NEGR1: variants seen among roughly 807,000 people sequenced by gnomAD.
NEGR1 encodes the protein IgLON family member 4.
Under a neutral mutation model 40.9 loss-of-function variants are expected in NEGR1, and 10 were observed. That is an observed-to-expected ratio of 0.24 (90% CI 0.15 to 0.42). The LOEUF is 0.42. Among genes scored for constraint, NEGR1 ranks in the 10% least tolerant of loss-of-function variants. NEGR1 has a pLI of 1.00. For missense variants in NEGR1, 352 were observed against 438.9 expected (o/e 0.80, Z 1.77); for synonymous variants, 185 against 166.8 (o/e 1.11, Z -0.84).
chr1:71,988,400 G>A (rs1008025570), intron 1 of NEGR1, among the ~76,000 whole-genome samples: 2 of 151,644 alleles, frequency 1.3e-5, no homozygotes, highest in Non-Finnish European at 2.9e-5. Context: ...TTAGCCGGGC[G>A]CGGTGGCGGG....
At chr1:71,902,398 A>G in intron 2 of NEGR1, among the ~76,000 whole-genome samples, 1 of 152,236 alleles carries the variant, frequency 6.6e-6, no homozygotes, top group East Asian at 1.9e-4. Flanking sequence ...ATTTTGCATA[A>G]AGATTACTTC....
chr1:71,710,269 C>A (rs1029767766), intron 3 of NEGR1, among the ~76,000 whole-genome samples: 1 of 152,028 alleles, frequency 6.6e-6, no homozygotes, highest in Admixed American at 6.6e-5. Context: ...AACCCTTGTA[C>A]ACTGTTGGAA....
At chr1:71,495,672 G>C (rs542582986) in intron 6 of NEGR1, among the ~76,000 whole-genome samples, 3 of 152,196 alleles carry the variant, frequency 2.0e-5, no homozygotes, top group South Asian at 2.1e-4. Flanking sequence ...CAAAGGTTTG[G>C]ATTTGGGTAC....
intron 1 of NEGR1, among the ~76,000 whole-genome samples, chr1:71,937,814 T>C (rs182338513): frequency 6.6e-6 from 1 of 152,240 alleles, no homozygotes; most frequent in Admixed American, 6.5e-5. Flanking sequence ...AGTGGATGTT[T>C]TACCATGAAA....
chr1:72,234,755 A>C (rs1274585856), intron 1 of NEGR1, among the ~76,000 whole-genome samples: 1 of 152,152 alleles, frequency 6.6e-6, no homozygotes, highest in East Asian at 1.9e-4. Flanking sequence ...CACACCCATC[A>C]GAATGGTTAT....
intron 2 of NEGR1, among the ~76,000 whole-genome samples, chr1:71,824,681 C>T (rs910375229): frequency 1.3e-5 from 2 of 151,902 alleles, no homozygotes; most frequent in South Asian, 2.1e-4. Context: ...AGTCTCTGTT[C>T]CTCTCCACAC....
Position 71,407,312 on chromosome 1 carries a change from T to C in NEGR1, c.*134A>G. On this transcript the variant is annotated 3_prime_UTR_variant, in exon 7 of 7. Coordinates refer to ENST00000357731, the MANE Select transcript of NEGR1 (RefSeq NM_173808.3). ...TTAAAGTATTTACATAATGAGCAAT[T>C]CTACAGAAGGCGATCATCCCCATGT... is the stretch of plus-strand genomic sequence containing the variant. 1 of 695,916 alleles carries C rather than the reference T, an allele frequency of 1.4e-6. No homozygotes were observed. Among genetic ancestry groups the C allele is most frequent in the Non-Finnish European group, 2.4e-6 (1 of 410,846 alleles). 43.1% of individuals were successfully genotyped at this position (695,916 alleles called of 1,614,324 possible).
intron 2 of NEGR1, among the ~76,000 whole-genome samples, chr1:71,784,345 C>T (rs913452725): frequency 7.0e-6 from 1 of 143,718 alleles, no homozygotes; most frequent in African/African-American, 2.6e-5. Context: ...AGTAGAAAGG[C>T]TTTTTTTTTT....
chr1:71,662,999 C>T (rs1028814929), intron 4 of NEGR1, among the ~76,000 whole-genome samples: 2 of 151,604 alleles, frequency 1.3e-5, no homozygotes, highest in African/African-American at 4.8e-5. Context: ...TTCTGTCTCT[C>T]AGGCTGGAGT....
intron 1 of NEGR1, among the ~76,000 whole-genome samples, chr1:72,058,894 G>A (rs1647139483): frequency 6.6e-6 from 1 of 151,578 alleles, no homozygotes; most frequent in Admixed American, 6.6e-5. Flanking sequence ...ACTGTAAAAT[G>A]ATTGTATGTG....
intron 6 of NEGR1, among the ~76,000 whole-genome samples, chr1:71,465,238 T>A (rs922496594): frequency 3.3e-5 from 5 of 152,078 alleles, no homozygotes; most frequent in African/African-American, 4.8e-5. Context: ...TTTATTGAGT[T>A]TTACTCTGTG....
chr1:72,039,125 G>C (rs1646929991), intron 1 of NEGR1, among the ~76,000 whole-genome samples: 1 of 151,940 alleles, frequency 6.6e-6, no homozygotes, highest in Non-Finnish European at 1.5e-5. Context: ...AGGTAGAAGA[G>C]ATTGTGAAAA....
At chr1:72,094,501 C>G (rs1648623761) in intron 1 of NEGR1, among the ~76,000 whole-genome samples, 1 of 152,146 alleles carries the variant, frequency 6.6e-6, no homozygotes, top group Admixed American at 6.5e-5. Flanking sequence ...TTTTCAACGT[C>G]AAAAACAACT....
At chr1:71,999,607 A>C (rs771720513) in intron 1 of NEGR1, among the ~76,000 whole-genome samples, 1 of 132,332 alleles carries the variant, frequency 7.6e-6, no homozygotes, top group South Asian at 2.3e-4. Flanking sequence ...CAAAATTCTT[A>C]TGTATTTGCA....
intron 4 of NEGR1, among the ~76,000 whole-genome samples, chr1:71,645,998 C>T (rs1651518458): frequency 6.6e-6 from 1 of 151,606 alleles, no homozygotes; most frequent in African/African-American, 2.4e-5. Context: ...TGCCCCCTTA[C>T]CTTAAAGAAG....
At chr1:72,185,400 A>G (rs907320975) in intron 1 of NEGR1, among the ~76,000 whole-genome samples, 1 of 151,902 alleles carries the variant, frequency 6.6e-6, no homozygotes, top group Non-Finnish European at 1.5e-5. Context: ...GAACTCTCCA[A>G]ACAATCCATT....
chr1:72,204,632 A>C (rs1348431401), intron 1 of NEGR1, among the ~76,000 whole-genome samples: 1 of 152,162 alleles, frequency 6.6e-6, no homozygotes, highest in East Asian at 1.9e-4. Context: ...ACTTCCTTCA[A>C]GTATTATTAT....
At chr1:72,038,688 C>T (rs777868565) in intron 1 of NEGR1, among the ~76,000 whole-genome samples, 1 of 151,896 alleles carries the variant, frequency 6.6e-6, no homozygotes, top group South Asian at 2.1e-4. Flanking sequence ...AAGCTAAGCA[C>T]ACAAAGACCT....
At chr1:71,790,286 A>G (rs1410066812) in intron 2 of NEGR1, among the ~76,000 whole-genome samples, 1 of 152,142 alleles carries the variant, frequency 6.6e-6, no homozygotes, top group Admixed American at 6.6e-5. Context: ...GCAGTGCTCA[A>G]TAATAATCTG....
Sources: gnomAD v4.1 joint callset for allele counts (sites outside exome capture counted in the v4.1 genomes callset) on GRCh38, gnomAD v4.1.1 for gene constraint, MANE v1.5 for transcripts, NCBI Gene and HGNC (gene_info 2026-07-23, HGNC 2026-07-21) for gene names.